The following BBX variants were observed in gnomAD, a reference collection of about 807,000 sequenced individuals.
The protein encoded by BBX is HMG box transcription factor BBX.
A neutral mutation model predicts 100.2 loss-of-function variants in BBX; 30 were observed. The observed-to-expected ratio is 0.30, with a 90% CI of 0.22 to 0.41. The LOEUF is 0.41. Ranked by LOEUF, BBX falls within the 10% of genes least tolerant of loss-of-function variation. The pLI is 1.00. For missense variants in BBX, 1,023 were observed against 1,129.8 expected (o/e 0.91, Z 1.35); for synonymous variants, 376 against 388.1 (o/e 0.97, Z 0.37).
At position 107,620,922 on chromosome 3, in the gene BBX, G is replaced by C. The variant is rs539196629; in HGVS notation, c.-83-24914G>C. Among the ~76,000 whole-genome samples the C allele has an allele frequency of 3.3e-5, 4 of 122,662 alleles. No individual in the cohort carries two copies. In the East Asian group the frequency reaches 1.1e-3, roughly 33 times the overall value. 80.5% of individuals were successfully genotyped at this position (122,662 alleles called of 152,430 possible). On this transcript the variant is annotated intron_variant, in intron 2 of 17. Transcript: ENST00000325805. ...GGAAATTCTGTGTCGCCACATGATT[G>C]ATTTCTGCGGAGTGTGTGTGTGGGG...
Position 107,773,452 on chromosome 3 carries a change from G to A in BBX, c.1731G>A (p.Leu577=), listed in dbSNP as rs745848654. The change falls in exon 11 of 18, where the codon TTG becomes TTA. Residue 577 remains leucine, a synonymous_variant. Transcript: ENST00000325805. This position sits in a 1 kb window ranked among gnomAD's most constrained non-coding sequence, Gnocchi z 4.1. ...CAGAGGGTATAAAAGCAGAACCATTGACCCCTATGGAAGATGCACTACCAC... is the reference window on the plus strand; with the variant it reads ...CAGAGGGTATAAAAGCAGAACCATTAACCCCTATGGAAGATGCACTACCAC... ...ETPEGIKAEP[L]TPMEDALPPS... is the part of the protein sequence containing the mutation. The A allele has an allele frequency of 1.2e-6, 2 of 1,614,094 alleles. No homozygotes were observed.
At chr3:107,761,286 G>C (rs2065881800) in intron 10 of BBX, among the ~76,000 whole-genome samples, 1 of 152,146 alleles carries the variant, frequency 6.6e-6, no homozygotes, top group South Asian at 2.1e-4. Context: ...CTGTGAGTCA[G>C]AATTGGGAGA....
chr3:107,620,609 C>T (rs2055672190), intron 2 of BBX, among the ~76,000 whole-genome samples: 1 of 152,168 alleles, frequency 6.6e-6, no homozygotes, highest in African/African-American at 2.4e-5. Flanking sequence ...CACCTGTCCT[C>T]CATTGACACC....
At chr3:107,592,360 CAAAAAAAAAA>C (rs398052177) in intron 2 of BBX, among the ~76,000 whole-genome samples, 73 of 74,908 alleles carry the variant, frequency 9.7e-4, no homozygotes, top group African/African-American at 3.3e-3. Context: ...GACCCTGTCT[CAAAAAAAAAA>C]AAAAAAAAAA....
chr3:107,565,364 A>G (rs758458487), intron 2 of BBX, among the ~76,000 whole-genome samples: 28 of 151,474 alleles, frequency 1.8e-4, no homozygotes, highest in Non-Finnish European at 2.9e-4. Context: ...TAGTGATAGC[A>G]TACATCCTTA....
intron 2 of BBX, among the ~76,000 whole-genome samples, chr3:107,606,313 T>C (rs1450169667): frequency 6.6e-6 from 1 of 152,222 alleles, no homozygotes; most frequent in Non-Finnish European, 1.5e-5. Context: ...CAAGGAAGTA[T>C]ACTCTAATAT....
chr3:107,806,417 C>T lies in BBX; in HGVS notation c.*960C>T, dbSNP rs1021076936. The stretch of plus-strand genomic sequence containing the variant: ...CTATTCTAAACACATTGAAGACACT[C>T]ACTTCATGTGGACTTGGAGCTACAG... On this transcript the variant is annotated 3_prime_UTR_variant, in exon 18 of 18. Transcript: ENST00000325805. The T allele has an allele frequency of 2.0e-5, 3 of 152,194 alleles. No individual in the cohort carries two copies. Among genetic ancestry groups the T allele is most frequent in the African/African-American group, 4.8e-5 (2 of 41,446 alleles). The allele number at this position is 152,194 out of a possible 1,614,324, so 9.4% of individuals were successfully genotyped here.
Position 107,789,678 on chromosome 3 carries a change from A to G in BBX, c.2204-109A>G, listed in dbSNP as rs1373723754. The G allele has an allele frequency of 4.0e-6, 3 of 743,674 alleles. No homozygotes were observed. In the African/African-American group the frequency reaches 5.3e-5, roughly 13 times the overall value. 46.1% of individuals were successfully genotyped at this position (743,674 alleles called of 1,614,324 possible). On this transcript the variant is annotated intron_variant, in intron 13 of 17. Transcript: ENST00000325805. Reference sequence around the variant, plus strand: ...TGCAAGATGACATTTATTGAGATTCAATTTGCTTATTCCACAGGAGGGAGG... The same window carrying G: ...TGCAAGATGACATTTATTGAGATTCGATTTGCTTATTCCACAGGAGGGAGG...
intron 3 of BBX, among the ~76,000 whole-genome samples, chr3:107,648,591 T>A (rs114992507): frequency 4.0e-4 from 61 of 152,126 alleles, no homozygotes; most frequent in Non-Finnish European, 7.5e-4. Flanking sequence ...TTTGTCTACT[T>A]AAGTTCAATT....
chr3:107,743,866 ACTTAT>A (rs1560080457), intron 7 of BBX, among the ~76,000 whole-genome samples: 1 of 148,962 alleles, frequency 6.7e-6, no homozygotes, highest in East Asian at 2.0e-4. Context: ...TATTAACAGT[ACTTAT>A]CTTTGGGAGG....
chr3:107,544,400 A>G (rs1030315762), intron 2 of BBX, among the ~76,000 whole-genome samples: 1 of 152,200 alleles, frequency 6.6e-6, no homozygotes, highest in African/African-American at 2.4e-5. Context: ...TTAGGGTTCT[A>G]GAACATAGCA....
At chr3:107,789,967 T>C in intron 14 of BBX, 91 bp downstream of exon 14, 4 of 1,011,770 alleles carry the variant, frequency 4.0e-6, no homozygotes, top group Admixed American at 2.3e-5. Context: ...TGCCTTTGCC[T>C]TGTCCTCCCC....
At chr3:107,657,755 A>G (rs186234789) in intron 3 of BBX, among the ~76,000 whole-genome samples, 43 of 152,234 alleles carry the variant, frequency 2.8e-4, no homozygotes, top group Non-Finnish European at 4.9e-4. Flanking sequence ...TTTAGGATGT[A>G]GTTATAAATT....
At position 107,564,458 on chromosome 3, in the gene BBX, C is replaced by T. The variant is rs957719757; in HGVS notation, c.-84+38060C>T. Among the ~76,000 whole-genome samples the T allele has an allele frequency of 4.6e-5, 7 of 152,022 alleles. No individual in the cohort carries two copies. In the East Asian group the frequency reaches 5.8e-4, roughly 13 times the overall value. Reference sequence around the variant, plus strand: ...CTTTTTGAACTATAAGAAACTCTTTCGTATACCAGTGTCATTGATATAGGT... The same window carrying T: ...CTTTTTGAACTATAAGAAACTCTTTTGTATACCAGTGTCATTGATATAGGT... On this transcript the variant is annotated intron_variant, in intron 2 of 17. Coordinates refer to ENST00000325805, the MANE Select transcript of BBX (RefSeq NM_001142568.3).
intron 3 of BBX, among the ~76,000 whole-genome samples, chr3:107,671,687 A>G (rs1177215839): frequency 6.6e-6 from 1 of 152,134 alleles, no homozygotes; most frequent in Non-Finnish European, 1.5e-5. Context: ...GCTGCAGAAT[A>G]AAACAATTCA....
At chr3:107,783,181 C>G (rs2068073882) in intron 13 of BBX, among the ~76,000 whole-genome samples, 1 of 152,082 alleles carries the variant, frequency 6.6e-6, no homozygotes, top group South Asian at 2.1e-4. Context: ...CTTCTTGACT[C>G]TAAAATGGCT....
At chr3:107,781,053 C>T (rs2067832718) in intron 13 of BBX, among the ~76,000 whole-genome samples, 1 of 151,834 alleles carries the variant, frequency 6.6e-6, no homozygotes, top group South Asian at 2.1e-4. Context: ...TACTAGGTGC[C>T]TTTTTAGGTA....
At chr3:107,680,113 G>A (rs1031579005) in intron 3 of BBX, among the ~76,000 whole-genome samples, 2 of 152,166 alleles carry the variant, frequency 1.3e-5, no homozygotes, top group African/African-American at 4.8e-5. Flanking sequence ...CCAGAAGGCT[G>A]TCAGACTTTG....
At chr3:107,526,204 G>A (rs9876650) in intron 1 of BBX, 123 bp from the exon 2 acceptor site, 2 of 396,882 alleles carry the variant, frequency 5.0e-6, no homozygotes, top group Non-Finnish European at 8.9e-6. Flanking sequence ...AAAGGGGAGG[G>A]GTTAGTGGGA....
Sources: allele counts gnomAD v4.1 joint callset (sites outside exome capture counted in the v4.1 genomes callset), GRCh38; gene constraint gnomAD v4.1.1; non-coding constraint Gnocchi (gnomAD v3.1); transcripts MANE v1.5; gene names NCBI Gene and HGNC (gene_info 2026-07-23, HGNC 2026-07-21).